Variants in IL12RB2 observed in about 807,000 individuals in gnomAD.
IL12RB2 encodes the protein interleukin-12 receptor subunit beta-2.
In IL12RB2, 82 loss-of-function variants were observed where a neutral mutation model predicts 89.4. That is an observed-to-expected ratio of 0.92 (90% CI 0.77 to 1.10). The LOEUF (loss-of-function observed/expected upper bound fraction) is 1.10, where lower values mean the gene tolerates loss of function less well. Among genes scored for constraint, IL12RB2 ranks in the 50% least tolerant of loss-of-function variants. The probability of loss-of-function intolerance (pLI) is 0.00; values close to 1 mark genes in which losing one functional copy is unlikely to be tolerated. For synonymous variants in IL12RB2, 368 were observed against 370.1 expected, an observed-to-expected ratio of 0.99 and a Z score of 0.07; for missense variants, 963 against 1,031.9, an observed-to-expected ratio of 0.93 and a Z score of 0.92.
chr1:67,316,829 T>C (rs1655839243), intron 2 of IL12RB2, among the ~76,000 whole-genome samples: 1 of 152,194 alleles, frequency 6.6e-6, no homozygotes, highest in African/African-American at 2.4e-5. Flanking sequence ...CAAGTTTCTA[T>C]CCTCCCCAGG....
chr1:67,318,868 C>T (rs1656127322), intron 2 of IL12RB2, among the ~76,000 whole-genome samples: 1 of 151,342 alleles, frequency 6.6e-6, no homozygotes, highest in South Asian at 2.1e-4. Flanking sequence ...GTGAAATCCC[C>T]TACAGAGAAA....
chr1:67,367,888 G>C lies in IL12RB2; in HGVS notation c.1322G>C (p.Trp441Ser), dbSNP rs761203292. 2 of 1,609,592 alleles carry C rather than the reference G, an allele frequency of 1.2e-6. No homozygotes were observed. Among genetic ancestry groups the C allele is most frequent in the Non-Finnish European group, 1.7e-6 (2 of 1,175,894 alleles). Residue 441 changes from tryptophan to serine, a missense_variant, in exon 11 of 17, where the codon TGG becomes TCG. By Grantham distance (177) the Trp-to-Ser change is radical (BLOSUM62 -3). Transcript: ENST00000674203. ...GGCATGGACAACATTCTGGTGACTT[G>C]GCAGCCTCCCAGGAAAGATCCCTCT... ...SEGMDNILVTWQPPRKDPSAV... is the reference protein window; with the variant it reads ...SEGMDNILVTSQPPRKDPSAV...
intron 5 of IL12RB2, 60 bp downstream of exon 5, chr1:67,326,909 G>T: frequency 1.5e-6 from 2 of 1,299,818 alleles, no homozygotes; most frequent in Non-Finnish European, 2.0e-6. Flanking sequence ...ATGACATTTA[G>T]AAATATCTGT....
rs1666457124 is a variant in IL12RB2 at position 67,397,879 on chromosome 1, G to A, written c.*1790G>A. Among the ~76,000 whole-genome samples, 2 of 152,200 alleles carry A rather than the reference G, an allele frequency of 1.3e-5. No individual in the cohort carries two copies. Among genetic ancestry groups the A allele is most frequent in the South Asian group, 4.2e-4 (2 of 4,816 alleles). The stretch of plus-strand genomic sequence containing the variant: ...AATGTGTACTTCTTGCCTAACGTGA[G>A]GAACTAAAAACTTGTCCATGCATAC... On this transcript the variant is annotated 3_prime_UTR_variant, in exon 17 of 17. Coordinates refer to ENST00000674203, the MANE Select transcript of IL12RB2 (RefSeq NM_001374259.2).
intron 9 of IL12RB2, among the ~76,000 whole-genome samples, chr1:67,343,723 T>C (rs1012286590): frequency 4.6e-5 from 7 of 152,172 alleles, no homozygotes; most frequent in Non-Finnish European, 7.3e-5. Flanking sequence ...CTTTCATATA[T>C]ATATGAAAAA....
At position 67,320,391 on chromosome 1, in the gene IL12RB2, G is replaced by A. The variant is rs770452160; in HGVS notation, c.23G>A (p.Cys8Tyr). 2.0e-5 allele frequency: 33 copies of A among 1,613,844 alleles called. No homozygotes were observed. The African/African-American group carries it at 4.3e-4, about 21-fold the overall frequency. Residue 8 changes from cysteine to tyrosine, a missense_variant, in exon 3 of 17, where the codon TGC (cysteine) becomes TAC (tyrosine). By Grantham distance (194) the Cys-to-Tyr change is radical. Transcript: ENST00000674203. ...TTGATGGCACATACTTTTAGAGGAT[G>A]CTCATTGGCATTTATGTTTATAATC... Reference protein sequence around the residue: MAHTFRGCSLAFMFIITW... With the variant: MAHTFRGYSLAFMFIITW...
intron 1 of IL12RB2, among the ~76,000 whole-genome samples, chr1:67,312,197 T>A (rs1655156125): frequency 6.6e-6 from 1 of 152,186 alleles, no homozygotes; most frequent in Admixed American, 6.5e-5. Context: ...CCGGGGCCTC[T>A]TTCCAGCACA....
intron 11 of IL12RB2, among the ~76,000 whole-genome samples, chr1:67,371,076 G>T (rs1663250555): frequency 6.6e-6 from 1 of 152,094 alleles, no homozygotes; most frequent in African/African-American, 2.4e-5. Context: ...CAGGCACTGG[G>T]GGCTGAAAGC....
chr1:67,358,201 A>G (rs1180697691), intron 10 of IL12RB2, among the ~76,000 whole-genome samples: 12 of 152,234 alleles, frequency 7.9e-5, no homozygotes, highest in Admixed American at 7.2e-4. Flanking sequence ...TAAAAATACA[A>G]TAACATAATA....
intron 10 of IL12RB2, among the ~76,000 whole-genome samples, chr1:67,363,514 C>A (rs1396169821): frequency 6.6e-6 from 1 of 152,162 alleles, no homozygotes; most frequent in East Asian, 1.9e-4. Flanking sequence ...CTGTGCCCGG[C>A]CAATTATTCT....
chr1:67,333,555 C>G (rs1215841859), intron 8 of IL12RB2, among the ~76,000 whole-genome samples: 1 of 152,076 alleles, frequency 6.6e-6, no homozygotes, highest in African/African-American at 2.4e-5. Flanking sequence ...GCTTCCTTTA[C>G]TCCATAGGGC....
At chr1:67,310,162 C>T (rs933162624) in intron 1 of IL12RB2, among the ~76,000 whole-genome samples, 29 of 119,518 alleles carry the variant, frequency 2.4e-4, no homozygotes, top group Admixed American at 9.3e-4. Context: ...CCAGCCTGGG[C>T]GACAAGAATG....
chr1:67,321,177 G>C (rs1656467392), intron 3 of IL12RB2, among the ~76,000 whole-genome samples: 1 of 150,478 alleles, frequency 6.6e-6, no homozygotes, highest in Non-Finnish European at 1.5e-5. Flanking sequence ...TTTTTTTCTT[G>C]GTACAAGTAT....
chr1:67,362,141 T>C (rs1662123983), intron 10 of IL12RB2, among the ~76,000 whole-genome samples: 1 of 151,870 alleles, frequency 6.6e-6, no homozygotes, highest in Admixed American at 6.6e-5. Context: ...CATGGTGGCA[T>C]GTGCCTATAA....
At chr1:67,378,732 C>A (rs548641352) in intron 13 of IL12RB2, among the ~76,000 whole-genome samples, 1 of 151,578 alleles carries the variant, frequency 6.6e-6, no homozygotes, top group South Asian at 2.1e-4. Context: ...TGCCTATAAT[C>A]CCAGTTACTC....
rs2100283221 is a variant in IL12RB2, at chr1:67,390,052, TCA to T, written c.1971_1972del (p.Arg658ThrfsTer5). 1.5e-6 allele frequency: 2 copies of T among 1,340,180 alleles called. No individual in the cohort carries two copies. Among genetic ancestry groups the T allele is most frequent in the Non-Finnish European group, 2.2e-6 (2 of 929,700 alleles). 83.0% of individuals were successfully genotyped at this position (1,340,180 alleles called of 1,614,324 possible). On this transcript the variant is annotated frameshift_variant, in exon 16 of 17. Transcript: ENST00000674203. LOFTEE classifies it high-confidence loss of function. ...AGGGTGTTTGTTCTCCTAGCAGCCC[TCA>T]GACCTCAGTGGTGTAGCAGAGAAAT...
At chr1:67,348,776 G>A (rs999885651) in intron 9 of IL12RB2, among the ~76,000 whole-genome samples, 2 of 151,748 alleles carry the variant, frequency 1.3e-5, no homozygotes, top group African/African-American at 4.8e-5. Context: ...TTGTTCCATC[G>A]ACCCTGTCAG....
Position 67,390,195 on chromosome 1 carries a change from TG to T in IL12RB2, c.2046+68del. ...TGATCACCACATCTAAGTTTTCCAT[TG>T]TAGTTACGAGGAAGCCTGGGTGCTG... On this transcript the variant is annotated intron_variant, in intron 16 of 16. Transcript: ENST00000674203. 4 of 840,432 alleles carry T rather than the reference TG, an allele frequency of 4.8e-6. No individual in the cohort carries two copies. The South Asian group carries it at 5.4e-5, about 11-fold the overall frequency. 52.1% of individuals were successfully genotyped at this position (840,432 alleles called of 1,614,324 possible).
rs1277576845 is a variant in IL12RB2 at position 67,382,464 on chromosome 1, GC to G, written c.1855+2343del. On this transcript the variant is annotated intron_variant, in intron 14 of 16. Coordinates refer to ENST00000674203, the MANE Select transcript of IL12RB2 (RefSeq NM_001374259.2). ...GTAACTCATCAGTGGTTCCCCAGGG[GC>G]CTTCAAGCTAGAACTCAAAACTCCA... Among the ~76,000 whole-genome samples, 4 of 106,524 alleles carry G rather than the reference GC, an allele frequency of 3.8e-5. No homozygotes were observed. The East Asian group carries it at 1.0e-3, about 27-fold the overall frequency. 69.9% of individuals were successfully genotyped at this position (106,524 alleles called of 152,430 possible). A position where few individuals can be genotyped will look rare whatever the true frequency, so the allele number is the denominator to read the frequency against.
Sources: allele counts gnomAD v4.1 joint callset (sites outside exome capture counted in the v4.1 genomes callset), GRCh38; gene constraint gnomAD v4.1.1; transcripts MANE v1.5; gene names NCBI Gene and HGNC (gene_info 2026-07-23, HGNC 2026-07-21).